The following EFCAB12 variants were observed in gnomAD, a reference collection of about 807,000 sequenced individuals.
EFCAB12 encodes EF-hand calcium-binding domain-containing protein 12.
In EFCAB12, 43 loss-of-function variants were observed where a neutral mutation model predicts 53.6. The observed-to-expected ratio is 0.80, with a 90% CI of 0.63 to 1.03. The LOEUF is 1.03. Among genes scored for constraint, EFCAB12 ranks in the 50% least tolerant of loss-of-function variants. The probability of loss-of-function intolerance (pLI) is 0.00; values close to 1 mark genes in which losing one functional copy is unlikely to be tolerated. For synonymous variants in EFCAB12, 269 were observed against 289.2 expected, an observed-to-expected ratio of 0.93 and a Z score of 0.71; for missense variants, 646 against 730.6, an observed-to-expected ratio of 0.88 and a Z score of 1.34.
At chr3:129,411,470 C>A (rs1204826903) in intron 4 of EFCAB12, 116 bp from the exon 5 acceptor site, 5 of 1,091,426 alleles carry the variant, frequency 4.6e-6, no homozygotes, top group Non-Finnish European at 6.5e-6. Flanking sequence ...CCTCCGCTCC[C>A]TTCCCACACG....
chr3:129,428,479 C>T lies in EFCAB12; in HGVS notation c.10G>A (p.Asp4Asn), dbSNP rs374768526. The change falls in exon 1 of 9, where the codon GAC becomes AAC. Residue 4 changes from aspartate (D) to asparagine (N), a missense_variant. By Grantham distance (23) the Asp-to-Asn change is conservative. Transcript: ENST00000505956. The part of the protein sequence containing the change: MDD[D>N]YEAYHSLFLS... The stretch of plus-strand genomic sequence containing the variant: ...AACAGACTGTGGTACGCTTCATAGT[C>T]GTCGTCCATGGTCGTGGTGCTGGGA... 6.2e-6 allele frequency: 10 copies of T among 1,611,356 alleles called. No homozygotes were observed. In the African/African-American group the frequency reaches 6.7e-5, roughly 11 times the overall value.
rs776468201 is a variant in EFCAB12 at position 129,421,792 on chromosome 3, A to G, written c.61T>C (p.Ser21Pro). The G allele has an allele frequency of 1.2e-6, 2 of 1,611,906 alleles. No individual in the cohort carries two copies. The highest frequency in any genetic ancestry group is 2.7e-5 in the African/African-American group (2 of 74,888). Residue 21 changes from serine to proline, a missense_variant, in exon 2 of 9, where the codon TCT (serine) becomes CCT (proline). Ser to Pro is a moderately conservative substitution (Grantham distance 74, BLOSUM62 -1). Transcript: ENST00000505956. Reference protein sequence around the residue: ...LFLSLLGLCPSKTPINENAPV... With the variant: ...LFLSLLGLCPPKTPINENAPV... Reference sequence around the variant, plus strand: ...GCATTTTCATTGATGGGAGTCTTAGACGGGCAGAGTCCTTGGGGTAAGAGA... The same window carrying G: ...GCATTTTCATTGATGGGAGTCTTAGGCGGGCAGAGTCCTTGGGGTAAGAGA...
chr3:129,402,889 G>A (rs946735391), intron 7 of EFCAB12: 15 of 285,028 alleles, frequency 5.3e-5, no homozygotes, highest in Non-Finnish European at 9.3e-5. Context: ...AGTTACGAGG[G>A]AGGCTCAGTA....
intron 1 of EFCAB12, among the ~76,000 whole-genome samples, chr3:129,427,541 G>A (rs908877733): frequency 6.6e-6 from 1 of 152,162 alleles, no homozygotes. Context: ...TTTAGCTTGG[G>A]CATTTGACCA....
chr3:129,411,212 C>T lies in EFCAB12; in HGVS notation c.981G>A (p.Leu327=). 1.2e-6 allele frequency: 2 copies of T among 1,613,440 alleles called. No individual in the cohort carries two copies. The highest frequency in any genetic ancestry group is 2.2e-5 in the South Asian group (2 of 91,022). Residue 327 remains leucine, a synonymous_variant, in exon 5 of 9, where the codon CTG becomes CTA. Coordinates refer to ENST00000505956, the MANE Select transcript of EFCAB12 (RefSeq NM_207307.3). ...DTQMETRPMT[L]EEMEEVGKRY... is the part of the protein sequence containing the mutation. ...GCTTGCCCACTTCCTCCATCTCCTCCAGGGTCATGGGCCGCGTCTCCATCT... is the reference window on the plus strand; with the variant it reads ...GCTTGCCCACTTCCTCCATCTCCTCTAGGGTCATGGGCCGCGTCTCCATCT...
At chr3:129,427,457 T>C (rs1464052084) in intron 1 of EFCAB12, among the ~76,000 whole-genome samples, 1 of 152,166 alleles carries the variant, frequency 6.6e-6, no homozygotes, top group Non-Finnish European at 1.5e-5. Context: ...GCCTCTTCTG[T>C]GTTTCCTGAC....
At chr3:129,404,938 A>G (rs965582494) in intron 6 of EFCAB12, among the ~76,000 whole-genome samples, 1 of 152,132 alleles carries the variant, frequency 6.6e-6, no homozygotes, top group African/African-American at 2.4e-5. Flanking sequence ...TTAGCCTCCT[A>G]AGTAGCTAGG....
In EFCAB12 at chr3:129,404,156, G is replaced by A. The variant is rs1011635094; in HGVS notation, c.1403+94C>T. 4.0e-6 allele frequency: 6 copies of A among 1,499,938 alleles called. No homozygotes were observed. The African/African-American group carries it at 8.4e-5, about 21-fold the overall frequency. The allele number at this position is 1,499,938 out of a possible 1,614,324, so 92.9% of individuals were successfully genotyped here. On this transcript the variant is annotated intron_variant, in intron 7 of 8. Transcript: ENST00000505956. ...AGGATGCAGACGCAAGCACAGCATG[G>A]CGCCCCAGGTACTCCAGCCTCCAGC...
At chr3:129,408,366 T>C (rs894166197) in intron 6 of EFCAB12, among the ~76,000 whole-genome samples, 9 of 152,222 alleles carry the variant, frequency 5.9e-5, no homozygotes, top group Non-Finnish European at 1.3e-4. Flanking sequence ...AGAATGAGCT[T>C]TTGGTTCACC....
At chr3:129,415,183 C>T in intron 4 of EFCAB12, 62 bp downstream of exon 4, 3 of 1,512,120 alleles carry the variant, frequency 2.0e-6, no homozygotes, top group Non-Finnish European at 2.6e-6. Flanking sequence ...GCCAAGGCTG[C>T]CTGCACCATG....
chr3:129,412,822 G>A (rs2072063186), intron 4 of EFCAB12: 1 of 152,268 alleles, frequency 6.6e-6, no homozygotes, highest in African/African-American at 2.4e-5. Context: ...CCCTTTAGGT[G>A]CAAGCTCATC....
At position 129,406,866 on chromosome 3, in the gene EFCAB12, G is replaced by GT. The variant is rs57346398; in HGVS notation, c.1249+1778dup. On this transcript the variant is annotated intron_variant, in intron 6 of 8. Coordinates refer to ENST00000505956, the MANE Select transcript of EFCAB12 (RefSeq NM_207307.3). ...TGACTTCATTTGGAGATTTTGGTGG[G>GT]TTTTTTTTTTTTTTGACAGGGTCTC... Among the ~76,000 whole-genome samples, 278 of 140,866 alleles carry GT rather than the reference G, an allele frequency of 2.0e-3. 1 individual carries two copies. The highest frequency in any genetic ancestry group is 6.6e-3 in the South Asian group (29 of 4,406). 92.4% of individuals were successfully genotyped at this position (140,866 alleles called of 152,430 possible).
chr3:129,415,498 C>G, intron 3 of EFCAB12, 97 bp from the exon 4 acceptor site: 1 of 1,478,748 alleles, frequency 6.8e-7, no homozygotes, highest in Non-Finnish European at 9.1e-7. Context: ...CCCCATCCTG[C>G]TTCCAGTTTC....
At chr3:129,408,380 C>T (rs2071980898) in intron 6 of EFCAB12, among the ~76,000 whole-genome samples, 1 of 152,226 alleles carries the variant, frequency 6.6e-6, no homozygotes, top group Non-Finnish European at 1.5e-5. Flanking sequence ...GTTCACCAAG[C>T]TCAGGGTTCC....
intron 1 of EFCAB12, among the ~76,000 whole-genome samples, chr3:129,426,008 TG>T (rs2072266259): frequency 6.6e-6 from 1 of 152,202 alleles, no homozygotes; most frequent in Non-Finnish European, 1.5e-5. Flanking sequence ...AAAACACACT[TG>T]TTCTCTCTTT....
chr3:129,417,224 C>G (rs1429996931), intron 3 of EFCAB12, among the ~76,000 whole-genome samples: 1 of 150,130 alleles, frequency 6.7e-6, no homozygotes, highest in African/African-American at 2.5e-5. Flanking sequence ...ACTCGGGAGT[C>G]TGAGGCAGGA....
intron 2 of EFCAB12, 189 bp from the exon 3 acceptor site, chr3:129,418,637 G>C (rs988214291): frequency 4.4e-6 from 2 of 457,632 alleles, no homozygotes; most frequent in Non-Finnish European, 7.5e-6. Flanking sequence ...GCTTCTCTGA[G>C]CCTTGGTTTT....
Position 129,401,500 on chromosome 3 carries a change from C to G in EFCAB12, c.*93G>C. The stretch of plus-strand genomic sequence containing the variant: ...CTTTGAAAGGATTTCTTTAGTTTGA[C>G]TCTTTGACACTCCTCTTGTGTCTGG... On this transcript the variant is annotated 3_prime_UTR_variant, in exon 9 of 9. Transcript: ENST00000505956. The G allele has an allele frequency of 1.4e-6, 2 of 1,431,646 alleles. No homozygotes were observed. The highest frequency in any genetic ancestry group is 1.8e-6 in the Non-Finnish European group (2 of 1,082,060). 88.7% of individuals were successfully genotyped at this position (1,431,646 alleles called of 1,614,324 possible).
chr3:129,419,097 T>A (rs573148526), intron 2 of EFCAB12, among the ~76,000 whole-genome samples: 1 of 152,310 alleles, frequency 6.6e-6, no homozygotes, highest in African/African-American at 2.4e-5. Context: ...TGTCTGCCTC[T>A]CCCACTAACA....
Sources: allele counts gnomAD v4.1 joint callset (sites outside exome capture counted in the v4.1 genomes callset), GRCh38; gene constraint gnomAD v4.1.1; transcripts MANE v1.5; gene names NCBI Gene and HGNC (gene_info 2026-07-23, HGNC 2026-07-21).